ANKH: variants seen among roughly 807,000 people sequenced by gnomAD.
ANKH encodes the protein ANKH inorganic pyrophosphate transport regulator, also known as mineralization regulator ANKH.
ANKH carries 15 observed loss-of-function variants against 49.0 expected under a neutral mutation model. The observed-to-expected ratio is 0.31, with a 90% CI of 0.20 to 0.47. ANKH has a LOEUF of 0.47. Ranked by LOEUF, ANKH falls within the 20% of genes least tolerant of loss-of-function variation. ANKH has a pLI of 1.00. For synonymous variants in ANKH, 273 were observed against 260.0 expected, an observed-to-expected ratio of 1.05 and a Z score of -0.48; for missense variants, 429 against 652.0, an observed-to-expected ratio of 0.66 and a Z score of 3.72.
intron 1 of ANKH, among the ~76,000 whole-genome samples, chr5:14,775,007 C>A (rs1739567574): frequency 6.6e-6 from 1 of 151,970 alleles, no homozygotes; most frequent in Non-Finnish European, 1.5e-5. Flanking sequence ...GGATAGTACC[C>A]AACTCTATAT....
chr5:14,859,465 T>C (rs1735413481), intron 1 of ANKH, among the ~76,000 whole-genome samples: 1 of 152,230 alleles, frequency 6.6e-6, no homozygotes. Context: ...TGATCAACAG[T>C]ACACATAATT....
intron 1 of ANKH, 136 bp from the exon 2 acceptor site, chr5:14,769,327 T>C (rs1739352703): frequency 1.3e-6 from 1 of 759,724 alleles, no homozygotes; most frequent in Non-Finnish European, 2.2e-6. Context: ...TCTCATGTAA[T>C]TGGATAAAGG....
At chr5:14,739,259 A>G (rs1738279365) in intron 8 of ANKH, among the ~76,000 whole-genome samples, 1 of 152,068 alleles carries the variant, frequency 6.6e-6, no homozygotes, top group Non-Finnish European at 1.5e-5. Flanking sequence ...TCTACTAAAA[A>G]CACAAAAATC....
At chr5:14,830,543 G>A (rs1290455332) in intron 1 of ANKH, among the ~76,000 whole-genome samples, 1 of 147,728 alleles carries the variant, frequency 6.8e-6, no homozygotes. Context: ...GTGTGTCTGT[G>A]TGTGTGTGAG....
Position 14,712,939 on chromosome 5 carries a change from G to A in ANKH, c.1300C>T (p.Leu434=), listed in dbSNP as rs1339476126. Residue 434 remains leucine (L), a synonymous_variant, in exon 11 of 12, where the codon CTG becomes TTG. Transcript: ENST00000284268. ...HGATLGVGSL[L]AGFVGESTMV... is the part of the protein sequence containing the mutation. ...GTGGATTCTCCCACAAAGCCCGCCA[G>A]GAGGGAGCCCACGCCCAGGGTCGCA... 1.2e-6 allele frequency: 2 copies of A among 1,613,638 alleles called. No homozygotes were observed. Among genetic ancestry groups the A allele is most frequent in the Non-Finnish European group, 1.7e-6 (2 of 1,179,924 alleles).
intron 8 of ANKH, 85 bp from the exon 9 acceptor site, chr5:14,716,920 A>G (rs1204824553): frequency 1.3e-6 from 2 of 1,560,100 alleles, no homozygotes; most frequent in Non-Finnish European, 8.7e-7. Flanking sequence ...CAATCCTTGG[A>G]GAGTTACGAA....
At chr5:14,777,048 G>A (rs113973861) in intron 1 of ANKH, among the ~76,000 whole-genome samples, 2,447 of 152,294 alleles carry the variant, frequency 0.016, 55 homozygotes, top group African/African-American at 0.055. Flanking sequence ...TTAGGAGGCC[G>A]AGGCAGGTGG....
intron 8 of ANKH, among the ~76,000 whole-genome samples, chr5:14,722,642 T>G (rs923368264): frequency 6.6e-6 from 1 of 152,118 alleles, no homozygotes; most frequent in African/African-American, 2.4e-5. Flanking sequence ...TTGAATTATA[T>G]CCCAAAATAG....
chr5:14,869,493 C>T (rs1458043291), intron 1 of ANKH: 1 of 152,234 alleles, frequency 6.6e-6, no homozygotes, highest in Non-Finnish European at 1.5e-5. Context: ...TAACATTTTG[C>T]TTCTCTGCAA....
At chr5:14,793,575 C>T (rs190866616) in intron 1 of ANKH, among the ~76,000 whole-genome samples, 2 of 152,200 alleles carry the variant, frequency 1.3e-5, no homozygotes, top group East Asian at 3.9e-4. Flanking sequence ...GGTGAAGAGG[C>T]AGAATAAACA....
At chr5:14,862,542 C>A (rs1181002374) in intron 1 of ANKH, among the ~76,000 whole-genome samples, 1 of 152,150 alleles carries the variant, frequency 6.6e-6, no homozygotes, top group Non-Finnish European at 1.5e-5. Flanking sequence ...CAGAGCTCTC[C>A]ACGTTCCCCA....
intron 7 of ANKH, among the ~76,000 whole-genome samples, chr5:14,744,067 C>T (rs886779400): frequency 1.3e-5 from 2 of 152,186 alleles, no homozygotes; most frequent in Non-Finnish European, 2.9e-5. Context: ...TACATTCATG[C>T]TGGTTTTCTA....
chr5:14,842,018 G>A (rs1741828915), intron 1 of ANKH, among the ~76,000 whole-genome samples: 1 of 152,042 alleles, frequency 6.6e-6, no homozygotes, highest in Non-Finnish European at 1.5e-5. Context: ...TCTTTACAAA[G>A]GGATAATAAA....
chr5:14,793,609 G>A (rs1580073077), intron 1 of ANKH, among the ~76,000 whole-genome samples: 3 of 152,308 alleles, frequency 2.0e-5, no homozygotes, highest in African/African-American at 7.2e-5. Context: ...CAGCCAGGCC[G>A]GGAGTCTTGC....
chr5:14,824,488 T>C (rs910299723), intron 1 of ANKH, among the ~76,000 whole-genome samples: 1 of 152,170 alleles, frequency 6.6e-6, no homozygotes, highest in Non-Finnish European at 1.5e-5. Context: ...AACAGCTCAA[T>C]GTCCCATAGA....
Position 14,717,604 on chromosome 5 carries a change from C to T in ANKH, c.1012-769G>A, listed in dbSNP as rs560074567. On this transcript the variant is annotated intron_variant, in intron 8 of 11. Coordinates refer to ENST00000284268, the MANE Select transcript of ANKH (RefSeq NM_054027.6). ...AGCAATCCATCCACAGCTCCCCTTG[C>T]GCAGCTGGTGACTACATCTCCCCGA... 1.6e-4 allele frequency among the ~76,000 whole-genome samples: 25 copies of T among 152,246 alleles called. No individual in the cohort carries two copies. The South Asian group carries it at 3.9e-3, about 24-fold the overall frequency.
chr5:14,754,162 A>T (rs892503952), intron 4 of ANKH, among the ~76,000 whole-genome samples: 1 of 152,210 alleles, frequency 6.6e-6, no homozygotes, highest in Non-Finnish European at 1.5e-5. Flanking sequence ...CACTAACCAG[A>T]TCTGTTTATT....
At chr5:14,829,184 C>CA (rs56223225) in intron 1 of ANKH, among the ~76,000 whole-genome samples, 4,162 of 105,180 alleles carry the variant, frequency 0.04, 189 homozygotes, top group African/African-American at 0.066. Context: ...GACTCTGTCT[C>CA]AAAAAAAAAA....
intron 1 of ANKH, among the ~76,000 whole-genome samples, chr5:14,810,752 T>C (rs1740855802): frequency 6.6e-6 from 1 of 152,178 alleles, no homozygotes; most frequent in African/African-American, 2.4e-5. Flanking sequence ...TCCCTCAGGA[T>C]GAACTTTCTG....
Sources: allele counts gnomAD v4.1 joint callset (sites outside exome capture counted in the v4.1 genomes callset), GRCh38; gene constraint gnomAD v4.1.1; transcripts MANE v1.5; gene names NCBI Gene and HGNC (gene_info 2026-07-23, HGNC 2026-07-21).